SNRPN: variants seen among roughly 807,000 people sequenced by gnomAD.
SNRPN encodes the protein small nuclear ribonucleoprotein-associated protein N.
Under a neutral mutation model 25.2 loss-of-function variants are expected in SNRPN, and 7 were observed. That is an observed-to-expected ratio of 0.28 (90% CI 0.16 to 0.52). The LOEUF is 0.52. Ranked by LOEUF, SNRPN falls within the 20% of genes least tolerant of loss-of-function variation. SNRPN has a pLI of 0.96. For synonymous variants in SNRPN, 124 were observed against 110.6 expected (o/e 1.12, Z -0.76); for missense variants, 196 against 322.5 (o/e 0.61, Z 3.00).
At chr15:24,830,495 C>T (rs1380367387) in intron 2 of SNRPN, among the ~76,000 whole-genome samples, 1 of 152,046 alleles carries the variant, frequency 6.6e-6, no homozygotes, top group Admixed American at 6.5e-5. Context: ...GATTCAATTG[C>T]TCTGCTTCCT....
chr15:24,844,156 G>A (rs1355487323), intron 2 of SNRPN, among the ~76,000 whole-genome samples: 1 of 148,664 alleles, frequency 6.7e-6, no homozygotes, highest in Non-Finnish European at 1.5e-5. Context: ...GTGTGTTTGT[G>A]TGTGCGCATG....
At chr15:24,865,330 A>G (rs977092329) in intron 1 of SNRPN, among the ~76,000 whole-genome samples, 5 of 152,114 alleles carry the variant, frequency 3.3e-5, no homozygotes, top group African/African-American at 9.7e-5. Context: ...TACAGGTGTG[A>G]GCCACCACGC....
intron 3 of SNRPN, among the ~76,000 whole-genome samples, chr15:24,928,838 C>T (rs2060597780): frequency 6.6e-6 from 1 of 151,994 alleles, no homozygotes; most frequent in African/African-American, 2.4e-5. Flanking sequence ...AAACTCCTGG[C>T]CTAAAACAAT....
intron 1 of SNRPN, among the ~76,000 whole-genome samples, chr15:24,883,260 C>T (rs1485910571): frequency 1.3e-5 from 2 of 152,210 alleles, no homozygotes; most frequent in East Asian, 1.9e-4. Flanking sequence ...GGATGGTCTG[C>T]GGTGGGCAGT....
At position 24,971,538 on chromosome 15, in the gene SNRPN, G is replaced by GAT. The variant is rs1005122050; in HGVS notation, c.-143-2763_-143-2762dup. Among the ~76,000 whole-genome samples, 12 of 150,990 alleles carry GAT rather than the reference G, an allele frequency of 7.9e-5. No homozygotes were observed. In the East Asian group the frequency reaches 1.7e-3, roughly 22 times the overall value. On this transcript the variant is annotated intron_variant, in intron 3 of 9. Coordinates refer to ENST00000390687, the MANE Select transcript of SNRPN (RefSeq NM_003097.6). ...GCTATACAGGTTATTATTATATTAT[G>GAT]ATATATATATAAATATAAAATAATA... is the stretch of plus-strand genomic sequence containing the variant.
At chr15:24,851,881 G>C (rs539525326), upstream of SNRPN, 1 of 152,120 alleles carries the variant, frequency 6.6e-6, no homozygotes, top group Non-Finnish European at 1.5e-5. Context: ...ACTGAGACTC[G>C]CCCCATCCCA....
intron 2 of SNRPN, among the ~76,000 whole-genome samples, chr15:24,913,360 G>A (rs1314020081): frequency 6.6e-6 from 1 of 152,150 alleles, no homozygotes; most frequent in African/African-American, 2.4e-5. Flanking sequence ...AAGAGTATAA[G>A]GGCTGGGCAT....
upstream of SNRPN, chr15:24,954,777 T>C (rs558604072): frequency 5.4e-6 from 3 of 551,918 alleles, no homozygotes; most frequent in East Asian, 2.9e-5. Flanking sequence ...AGGTTGCTTA[T>C]GGTTTCTAGA....
At chr15:24,851,884 C>A (rs925589502), upstream of SNRPN, 11 of 152,144 alleles carry the variant, frequency 7.2e-5, no homozygotes, top group Non-Finnish European at 1.5e-4. Flanking sequence ...GAGACTCGCC[C>A]CATCCCACCC....
intron 1 of SNRPN, among the ~76,000 whole-genome samples, chr15:24,862,366 G>A (rs2147503440): frequency 6.6e-6 from 1 of 150,754 alleles, no homozygotes; most frequent in African/African-American, 2.5e-5. Flanking sequence ...GGGTGGGGAG[G>A]CTGGCAAAAA....
chr15:24,942,017 A>G (rs2061585035), intron 3 of SNRPN, among the ~76,000 whole-genome samples: 3 of 152,082 alleles, frequency 2.0e-5, no homozygotes, highest in Admixed American at 2.0e-4. Flanking sequence ...TGACCTCGTG[A>G]TCCACCCACC....
At chr15:24,860,445 A>G (rs2053889436) in intron 1 of SNRPN, among the ~76,000 whole-genome samples, 1 of 152,200 alleles carries the variant, frequency 6.6e-6, no homozygotes, top group Non-Finnish European at 1.5e-5. Flanking sequence ...ACTTATTTTA[A>G]TGAGAATTGT....
intron 2 of SNRPN, among the ~76,000 whole-genome samples, chr15:24,832,844 G>C (rs1311506069): frequency 1.3e-5 from 2 of 151,764 alleles, no homozygotes; most frequent in African/African-American, 4.8e-5. Context: ...GGTGGCTCAG[G>C]GCCTGTAATC....
chr15:24,856,455 C>T (rs1052291021), upstream of SNRPN: 1 of 152,254 alleles, frequency 6.6e-6, no homozygotes, highest in Non-Finnish European at 1.5e-5. Flanking sequence ...GGCAGAAACC[C>T]CTGCAGACAT....
intron 3 of SNRPN, among the ~76,000 whole-genome samples, chr15:24,923,876 C>CGTGTGTGTGTGT (rs1488829289): frequency 1.6e-4 from 17 of 107,014 alleles, no homozygotes; most frequent in African/African-American, 4.9e-4. Context: ...TTTTTAGTGC[C>CGTGTGTGTGTGT]GTGTATGTGT....
intron 2 of SNRPN, among the ~76,000 whole-genome samples, chr15:24,831,604 A>T (rs550119325): frequency 6.6e-6 from 1 of 152,072 alleles, no homozygotes; most frequent in East Asian, 1.9e-4. Context: ...TTTTGTACCC[A>T]TTCACAATCA....
chr15:24,834,715 G>GTCCCTCTCTC (rs1555376580), intron 2 of SNRPN, among the ~76,000 whole-genome samples: 2 of 36,944 alleles, frequency 5.4e-5, no homozygotes, highest in Non-Finnish European at 1.4e-4. Flanking sequence ...GTGAGACCTT[G>GTCCCTCTCTC]TCTCTCTCTC....
intron 2 of SNRPN, among the ~76,000 whole-genome samples, chr15:24,834,751 C>CTCTCTCTCTCTCTATATATATATGTA: frequency 6.6e-5 from 4 of 60,956 alleles, no homozygotes; most frequent in African/African-American, 2.4e-4. Flanking sequence ...CTCTCTCTCT[C>CTCTCTCTCTCTCTATATATATATGTA]TATATATATA....
At chr15:24,973,705 C>T (rs182248296) in intron 3 of SNRPN, among the ~76,000 whole-genome samples, 133 of 152,198 alleles carry the variant, frequency 8.7e-4, no homozygotes, top group African/African-American at 2.7e-3. Context: ...CGGCCGTTAA[C>T]GTGATTTATA....
Sources: allele counts gnomAD v4.1 joint callset (sites outside exome capture counted in the v4.1 genomes callset), GRCh38; gene constraint gnomAD v4.1.1; transcripts MANE v1.5; gene names NCBI Gene and HGNC (gene_info 2026-07-23, HGNC 2026-07-21).